Variants in BMPER observed in about 807,000 individuals in gnomAD.
BMPER encodes BMP-binding endothelial regulator protein.
A neutral mutation model predicts 87.3 loss-of-function variants in BMPER; 45 were observed. That is an observed-to-expected ratio of 0.52 (90% CI 0.41 to 0.66). BMPER has a LOEUF of 0.66. Among genes scored for constraint, BMPER ranks in the 30% least tolerant of loss-of-function variants. The probability of loss-of-function intolerance (pLI) is 0.00; values close to 1 mark genes in which losing one functional copy is unlikely to be tolerated. For missense variants in BMPER, 784 were observed against 867.5 expected (o/e 0.90, Z 1.21); for synonymous variants, 326 against 316.2 (o/e 1.03, Z -0.33).
intron 3 of BMPER, among the ~76,000 whole-genome samples, chr7:33,952,867 T>C (rs904910421): frequency 1.3e-5 from 2 of 152,250 alleles, no homozygotes; most frequent in African/African-American, 4.8e-5. Flanking sequence ...GCTAGAGAGA[T>C]TGATGTTTAA....
intron 2 of BMPER, among the ~76,000 whole-genome samples, chr7:33,930,344 T>C (rs1413734716): frequency 1.3e-5 from 2 of 152,226 alleles, no homozygotes; most frequent in Non-Finnish European, 2.9e-5. Context: ...AAGTCAATTT[T>C]ACTATCAGTA....
At chr7:33,982,933 C>T (rs894972320) in intron 6 of BMPER, among the ~76,000 whole-genome samples, 2 of 152,056 alleles carry the variant, frequency 1.3e-5, no homozygotes, top group East Asian at 3.9e-4. Context: ...AGGGGTCATT[C>T]AGTGTGAGGG....
Position 34,143,280 on chromosome 7 carries a change from G to A in BMPER, c.1796G>A (p.Cys599Tyr), listed in dbSNP as rs1790921488. 6.2e-7 allele frequency: 1 copy of A among 1,614,068 alleles called. No homozygotes were observed. The highest frequency in any genetic ancestry group is 1.6e-4 in the Middle Eastern group (1 of 6,062). ...CECPVHKNCYCESFLAYTRAC... is the reference protein window; with the variant it reads ...CECPVHKNCYYESFLAYTRAC... Reference sequence around the variant, plus strand: ...TGTCCAGTCCATAAAAACTGTTATTGCGAGTCATTTTTGGCATATACCCGG... The same window carrying A: ...TGTCCAGTCCATAAAAACTGTTATTACGAGTCATTTTTGGCATATACCCGG... The change falls in exon 14 of 15, where the codon TGC becomes TAC. Residue 599 changes from cysteine to tyrosine, a missense_variant. Cys to Tyr is a radical substitution (Grantham distance 194). Transcript: ENST00000649409.
chr7:33,980,654 G>C (rs894496078), intron 6 of BMPER, among the ~76,000 whole-genome samples: 2 of 152,144 alleles, frequency 1.3e-5, no homozygotes, highest in Non-Finnish European at 1.5e-5. Flanking sequence ...AATTGCTTAC[G>C]GGAGGGAGTA....
At chr7:33,907,176 C>CA (rs1449442597) in intron 2 of BMPER, among the ~76,000 whole-genome samples, 1 of 152,002 alleles carries the variant, frequency 6.6e-6, no homozygotes, top group Non-Finnish European at 1.5e-5. Flanking sequence ...GGTGAAATGA[C>CA]AGTTTGTAAT....
chr7:34,002,769 G>T (rs1786615615), intron 6 of BMPER, among the ~76,000 whole-genome samples: 1 of 151,138 alleles, frequency 6.6e-6, no homozygotes, highest in Non-Finnish European at 1.5e-5. Flanking sequence ...GTCTTTCTTT[G>T]TCTCTAGCAA....
chr7:33,909,541 T>C (rs1783902932), intron 2 of BMPER, among the ~76,000 whole-genome samples: 1 of 152,170 alleles, frequency 6.6e-6, no homozygotes, highest in African/African-American at 2.4e-5. Context: ...TTTATGTATG[T>C]ACATTAAGAG....
rs75948180 is a variant in BMPER at position 34,003,404 on chromosome 7, A to G, written c.576+28620A>G. On this transcript the variant is annotated intron_variant, in intron 6 of 14. Transcript: ENST00000649409. The stretch of plus-strand genomic sequence containing the variant: ...CCTTCCTTTCTACTATTACTGTCAT[A>G]CAAATCGCACTCTATGTATTATAAA... Among the ~76,000 whole-genome samples the G allele has an allele frequency of 5.2e-3, 795 of 152,036 alleles. 6 individuals are homozygous for G. The highest frequency in any genetic ancestry group is 0.016 in the African/African-American group (677 of 41,536).
At chr7:34,058,282 T>C in intron 10 of BMPER, 119 bp downstream of exon 10, 1 of 953,520 alleles carries the variant, frequency 1.0e-6, no homozygotes, top group Non-Finnish European at 1.7e-6. Flanking sequence ...TCTACATTCC[T>C]GACTAGTCAA....
chr7:33,905,436 T>TCCCCCCCCCCCCCCCCCCCCCCCCCCCCC, upstream of BMPER: 3 of 20,338 alleles, frequency 1.5e-4, no homozygotes, highest in South Asian at 5.0e-4. Context: ...CACCTTGGTC[T>TCCCCCCCCCCCCCCCCCCCCCCCCCCCCC]CTCCCCCCGC....
chr7:34,030,616 A>C (rs555285638), intron 6 of BMPER, among the ~76,000 whole-genome samples: 181 of 151,474 alleles, frequency 1.2e-3, no homozygotes, highest in Middle Eastern at 0.01. Context: ...TTATTGATAG[A>C]AATTACATTG....
intron 12 of BMPER, among the ~76,000 whole-genome samples, chr7:34,080,676 A>T (rs1171557098): frequency 3.9e-5 from 6 of 152,326 alleles, no homozygotes; most frequent in African/African-American, 1.2e-4. Context: ...CCATTATTAC[A>T]CAGCACTAAT....
chr7:33,995,848 A>G (rs1786395979), intron 6 of BMPER, among the ~76,000 whole-genome samples: 1 of 152,142 alleles, frequency 6.6e-6, no homozygotes, highest in South Asian at 2.1e-4. Context: ...CAAGTTCCAT[A>G]TATTCTACCT....
intron 13 of BMPER, among the ~76,000 whole-genome samples, chr7:34,136,814 AT>A (rs1268177337): frequency 1.2e-4 from 19 of 152,220 alleles, no homozygotes; most frequent in African/African-American, 4.3e-4. Context: ...AGAACGCTGG[AT>A]ATCTGGCTCC....
intron 6 of BMPER, among the ~76,000 whole-genome samples, chr7:33,975,196 A>G (rs1785653918): frequency 6.6e-6 from 1 of 152,116 alleles, no homozygotes; most frequent in South Asian, 2.1e-4. Context: ...TTTGGGGGAA[A>G]GCATGGATTT....
intron 6 of BMPER, among the ~76,000 whole-genome samples, chr7:34,045,104 A>G (rs1369623873): frequency 1.3e-5 from 2 of 152,176 alleles, no homozygotes; most frequent in Admixed American, 6.5e-5. Context: ...AAGACAAGCA[A>G]CCTGCGGGTA....
chr7:33,934,469 A>G (rs1307682928), intron 2 of BMPER, among the ~76,000 whole-genome samples: 1 of 143,678 alleles, frequency 7.0e-6, no homozygotes, highest in Non-Finnish European at 1.5e-5. Context: ...GGGGGAAAAA[A>G]CCCACTAAAC....
intron 11 of BMPER, among the ~76,000 whole-genome samples, chr7:34,073,711 T>TGACCC (rs886305080): frequency 1.3e-5 from 2 of 152,272 alleles, no homozygotes; most frequent in African/African-American, 2.4e-5. Context: ...ACCATATTTT[T>TGACCC]GACCCCTAAA....
At chr7:34,105,529 G>C (rs945816688) in intron 13 of BMPER, among the ~76,000 whole-genome samples, 1 of 152,200 alleles carries the variant, frequency 6.6e-6, no homozygotes, top group Non-Finnish European at 1.5e-5. Flanking sequence ...ACTCTAAAAT[G>C]ATGAGAACAG....
Sources: gnomAD v4.1 joint callset for allele counts (sites outside exome capture counted in the v4.1 genomes callset) on GRCh38, gnomAD v4.1.1 for gene constraint, MANE v1.5 for transcripts, NCBI Gene and HGNC (gene_info 2026-07-23, HGNC 2026-07-21) for gene names.